ARMC2: variants seen among roughly 807,000 people sequenced by gnomAD.
ARMC2 encodes the protein armadillo repeat-containing protein 2.
ARMC2 carries 67 observed loss-of-function variants against 90.3 expected under a neutral mutation model. That is an observed-to-expected ratio of 0.74 (90% confidence interval 0.61 to 0.91). The LOEUF (loss-of-function observed/expected upper bound fraction) is 0.91, where lower values mean the gene tolerates loss of function less well. Among genes scored for constraint, ARMC2 ranks in the 40% least tolerant of loss-of-function variants. The pLI is 0.00. For synonymous variants in ARMC2, 393 were observed against 393.0 expected (o/e 1.00, Z 0.00); for missense variants, 920 against 1,030.9 (o/e 0.89, Z 1.47).
Position 108,974,168 on chromosome 6 carries a change from T to C in ARMC2, c.*654T>C, listed in dbSNP as rs1449678090. On this transcript the variant is annotated 3_prime_UTR_variant, in exon 18 of 18. Transcript: ENST00000392644. ...ATTGTAACTCTCTGTGTTTGACAGG[T>C]GAGGTAATGTATTAGAAAGAATGCA... The C allele has an allele frequency of 6.6e-6, 1 of 152,184 alleles. No individual in the cohort carries two copies. The highest frequency in any genetic ancestry group is 1.5e-5 in the Non-Finnish European group (1 of 68,038). 9.4% of individuals were successfully genotyped at this position (152,184 alleles called of 1,614,324 possible).
intron 16 of ARMC2, 135 bp downstream of exon 16, chr6:108,964,447 GA>G: frequency 9.3e-7 from 1 of 1,074,554 alleles, no homozygotes; most frequent in Non-Finnish European, 1.3e-6. Context: ...TGAGGCTAAA[GA>G]GGGGGTTTAG....
At chr6:109,009,402 A>G in the ARMC2 span, 1 of 1,461,386 alleles carries the variant, frequency 6.8e-7, no homozygotes, top group Non-Finnish European at 9.0e-7. Flanking sequence ...GCAGCCCAGC[A>G]GCCCCGAGAC....
intron 12 of ARMC2, among the ~76,000 whole-genome samples, chr6:108,937,449 A>C (rs1583169563): frequency 1.3e-5 from 2 of 152,290 alleles, no homozygotes; most frequent in South Asian, 4.1e-4. Context: ...CTTCTGATGC[A>C]AATTAAGGTT....
rs77517941 is a variant in ARMC2, at chr6:108,887,648, G to A, written c.672-6819G>A. Among the ~76,000 whole-genome samples, 632 of 152,262 alleles carry A rather than the reference G, an allele frequency of 4.2e-3. 2 individuals carry two copies. Among genetic ancestry groups the A allele is most frequent in the African/African-American group, 0.014 (592 of 41,544 alleles). ...ATTGCATTTATTGTTTAAATCCATTGAAATTAGGTTTTTGTTATTTGTCGA... is the reference window on the plus strand; with the variant it reads ...ATTGCATTTATTGTTTAAATCCATTAAAATTAGGTTTTTGTTATTTGTCGA... On this transcript the variant is annotated intron_variant, in intron 5 of 17. Coordinates refer to ENST00000392644, the MANE Select transcript of ARMC2 (RefSeq NM_032131.6).
At chr6:108,979,459 G>A (rs954993696), downstream of ARMC2, among the ~76,000 whole-genome samples, 7 of 152,018 alleles carry the variant, frequency 4.6e-5, no homozygotes, top group African/African-American at 9.7e-5. Flanking sequence ...TGAATCTGCC[G>A]ATTATGTGTC....
intron 8 of ARMC2, among the ~76,000 whole-genome samples, chr6:108,910,198 G>A (rs1481566210): frequency 2.6e-5 from 4 of 152,132 alleles, no homozygotes; most frequent in African/African-American, 7.2e-5. Flanking sequence ...GGGCGTGGTG[G>A]CTCACACTTG....
the ARMC2 span, among the ~76,000 whole-genome samples, chr6:108,989,422 G>A: frequency 6.8e-6 from 1 of 147,304 alleles, no homozygotes; most frequent in African/African-American, 2.4e-5. Flanking sequence ...TCTAGATCTA[G>A]AGATATATAT....
intron 4 of ARMC2, among the ~76,000 whole-genome samples, chr6:108,869,494 A>G (rs1487378121): frequency 6.6e-6 from 1 of 152,224 alleles, no homozygotes; most frequent in Non-Finnish European, 1.5e-5. Context: ...GGTGACGAGC[A>G]AGACTGTCTC....
At chr6:108,878,904 C>T (rs191870298) in intron 5 of ARMC2, among the ~76,000 whole-genome samples, 1 of 151,744 alleles carries the variant, frequency 6.6e-6, no homozygotes, top group African/African-American at 2.4e-5. Context: ...CACCCATTCA[C>T]CCATCTACCT....
intron 17 of ARMC2, among the ~76,000 whole-genome samples, chr6:108,969,914 T>A (rs1283635677): frequency 6.6e-6 from 1 of 152,074 alleles, no homozygotes; most frequent in Non-Finnish European, 1.5e-5. Context: ...GTGTGTTTTG[T>A]AGTCTTAGCC....
chr6:109,001,447 T>C, the ARMC2 span: 1 of 1,613,652 alleles, frequency 6.2e-7, no homozygotes, highest in Non-Finnish European at 8.5e-7. Context: ...AATCTGCAAA[T>C]AAAGCATGCA....
In ARMC2 at chr6:108,854,307, C is replaced by A; in HGVS notation, c.40C>A (p.Pro14Thr). 3 of 1,611,818 alleles carry A rather than the reference C, an allele frequency of 1.9e-6. No individual in the cohort carries two copies. The highest frequency in any genetic ancestry group is 2.5e-6 in the Non-Finnish European group (3 of 1,179,228). ...TGATAAAATGTTAGGAAAACTGGAT[C>A]CATTTTATCAACCTTCAGTGTCCAA... ...PNDKMLGKLDPFYQPSVSKQK... is the reference protein window; with the variant it reads ...PNDKMLGKLDTFYQPSVSKQK... Residue 14 changes from proline (P) to threonine (T), a missense_variant, in exon 2 of 18, where the codon CCA becomes ACA. Transcript: ENST00000392644.
intron 10 of ARMC2, among the ~76,000 whole-genome samples, chr6:108,924,980 G>A (rs1412414062): frequency 6.6e-6 from 1 of 152,166 alleles, no homozygotes; most frequent in East Asian, 1.9e-4. Context: ...GCTTGGGAAG[G>A]AGCTGCTGTC....
intron 17 of ARMC2, among the ~76,000 whole-genome samples, chr6:108,969,341 C>T (rs1246621994): frequency 2.0e-5 from 3 of 152,182 alleles, no homozygotes; most frequent in African/African-American, 4.8e-5. Context: ...GTAAAGGAAG[C>T]TTTTATAGAT....
At chr6:108,907,664 C>G in intron 8 of ARMC2, 1 of 1,602,814 alleles carries the variant, frequency 6.2e-7, no homozygotes, top group Non-Finnish European at 8.5e-7. Context: ...AAAGGAGTAG[C>G]TGAAGAGCAC....
rs149763587 is a variant in ARMC2, at chr6:108,952,084, G to A, written c.1597-949G>A. Among the ~76,000 whole-genome samples the A allele has an allele frequency of 1.2e-4, 18 of 152,324 alleles. No individual in the cohort carries two copies. In the East Asian group the frequency reaches 2.9e-3, roughly 25 times the overall value. On this transcript the variant is annotated intron_variant, in intron 12 of 17. Transcript: ENST00000392644. ...ATAAAATGGCATAGTGCCTGGCACT[G>A]TATATATAGATATAGATATAATACC...
In ARMC2 at chr6:108,854,305, A is replaced by G; in HGVS notation, c.38A>G (p.Asp13Gly). 1.2e-6 allele frequency: 2 copies of G among 1,611,958 alleles called. No homozygotes were observed. The highest frequency in any genetic ancestry group is 2.7e-5 in the African/African-American group (2 of 74,682). Residue 13 changes from aspartate to glycine, a missense_variant, in exon 2 of 18, where the codon GAT becomes GGT. Coordinates refer to ENST00000392644, the MANE Select transcript of ARMC2 (RefSeq NM_032131.6). ...SPNDKMLGKL[D>G]PFYQPSVSKQ... ...AATGATAAAATGTTAGGAAAACTGG[A>G]TCCATTTTATCAACCTTCAGTGTCC...
Position 108,870,414 on chromosome 6 carries a change from C to T in ARMC2, c.463+1419C>T, listed in dbSNP as rs549554409. On this transcript the variant is annotated intron_variant, in intron 4 of 17. Transcript: ENST00000392644. ...GTGGCCAGGATATGATCTGCAGTCA[C>T]CATGTCCCCAGCCTGTGCCATTCAC... Among the ~76,000 whole-genome samples the T allele has an allele frequency of 1.4e-4, 22 of 152,084 alleles. 1 individual carries two copies. The highest frequency in any genetic ancestry group is 5.1e-4 in the African/African-American group (21 of 41,462).
At chr6:108,989,417 A>C in the ARMC2 span, among the ~76,000 whole-genome samples, 2 of 148,096 alleles carry the variant, frequency 1.4e-5, no homozygotes, top group African/African-American at 4.9e-5. Context: ...ATATCTCTAG[A>C]TCTAGAGATA....
Sources: gnomAD v4.1 joint callset for allele counts (sites outside exome capture counted in the v4.1 genomes callset) on GRCh38, gnomAD v4.1.1 for gene constraint, MANE v1.5 for transcripts, NCBI Gene and HGNC (gene_info 2026-07-23, HGNC 2026-07-21) for gene names.